WASHC5: variants seen among roughly 807,000 people sequenced by gnomAD.
WASHC5 encodes the protein WASH complex subunit strumpellin.
In WASHC5, 101 loss-of-function variants were observed where a neutral mutation model predicts 150.4. That is an observed-to-expected ratio of 0.67 (90% CI 0.57 to 0.79). The LOEUF (loss-of-function observed/expected upper bound fraction) is 0.79, where lower values mean the gene tolerates loss of function less well. Among genes scored for constraint, WASHC5 ranks in the 30% least tolerant of loss-of-function variants. The pLI is 0.00. For missense variants in WASHC5, 1,195 were observed against 1,396.3 expected (o/e 0.86, Z 2.30); for synonymous variants, 467 against 491.2 (o/e 0.95, Z 0.65).
intron 17 of WASHC5, among the ~76,000 whole-genome samples, chr8:125,052,310 C>T (rs1272620744): frequency 6.6e-6 from 1 of 152,192 alleles, no homozygotes. Flanking sequence ...TCTAATCCTT[C>T]CCGCATTCTC....
chr8:125,080,885 T>A (rs1318842149), intron 5 of WASHC5, among the ~76,000 whole-genome samples: 1 of 152,220 alleles, frequency 6.6e-6, no homozygotes, highest in Non-Finnish European at 1.5e-5. Flanking sequence ...TCAACCTGAC[T>A]CTGAATGACA....
At position 125,083,130 on chromosome 8, in the gene WASHC5, A is replaced by G. The variant is rs748290335; in HGVS notation, c.315T>C (p.Tyr105=). ...ATCAATACCTGTTTAAGTCTACAAT[A>G]TATTTATGTACACTTTGAAATGCTA... ...FYLAFQSVHK[Y]IVDLNRYLDD... Residue 105 remains tyrosine (Y), a synonymous_variant, in exon 3 of 29, where the codon TAT becomes TAC. Transcript: ENST00000318410. 10 of 1,547,850 alleles carry G rather than the reference A, an allele frequency of 6.5e-6. No homozygotes were observed. The highest frequency in any genetic ancestry group is 8.9e-6 in the Non-Finnish European group (10 of 1,120,680).
intron 8 of WASHC5, 113 bp from the exon 9 acceptor site, chr8:125,073,437 A>T (rs576153860): frequency 2.2e-6 from 2 of 910,794 alleles, no homozygotes; most frequent in East Asian, 5.2e-5. Context: ...GATGAATGAC[A>T]TATGGATTAC....
At chr8:125,085,478 G>C (rs1350775683) in intron 1 of WASHC5, among the ~76,000 whole-genome samples, 1 of 152,180 alleles carries the variant, frequency 6.6e-6, no homozygotes, top group Non-Finnish European at 1.5e-5. Flanking sequence ...CTGTCAAAGA[G>C]AGAACAGAGA....
rs752504835 is a variant in WASHC5 at position 125,076,416 on chromosome 8, G to T, written c.796C>A (p.Pro266Thr). ...AMLYVILYFE[P>T]SILHTHQAKM... is the part of the protein sequence containing the mutation. ...GCTTGATGGGTGTGAAGGATGGAAG[G>T]CTCAAAGTAGAGAATCACGTACAGC... The change falls in exon 7 of 29, where the codon CCT (proline) becomes ACT (threonine). Residue 266 changes from proline to threonine, a missense_variant. This residue lies in a region of WASHC5 where 997 missense variants were observed against 1,168.1 expected (regional missense o/e 0.85). Transcript: ENST00000318410. 2 of 1,613,882 alleles carry T rather than the reference G, an allele frequency of 1.2e-6. No homozygotes were observed. Among genetic ancestry groups the T allele is most frequent in the Admixed American group, 1.7e-5 (1 of 59,990 alleles).
chr8:125,026,317 A>T (rs1430651107), intron 28 of WASHC5, among the ~76,000 whole-genome samples: 2 of 152,030 alleles, frequency 1.3e-5, no homozygotes, highest in Admixed American at 6.6e-5. Context: ...GAACTTGAAG[A>T]TTTGAAGAGC....
chr8:125,065,618 CCT>C (rs145932521), intron 10 of WASHC5, among the ~76,000 whole-genome samples: 3,806 of 148,946 alleles, frequency 0.026, 168 homozygotes, highest in African/African-American at 0.092. Flanking sequence ...TTCTTTCATT[CCT>C]TTTTTTTTTT....
chr8:125,048,136 G>A (rs1391307257), intron 19 of WASHC5, among the ~76,000 whole-genome samples: 1 of 152,260 alleles, frequency 6.6e-6, no homozygotes, highest in East Asian at 1.9e-4. Context: ...AACGAGAAGC[G>A]AGAACTAAGA....
chr8:125,025,417 T>G lies in WASHC5; in HGVS notation c.3424-744A>C, dbSNP rs76748303. The stretch of plus-strand genomic sequence containing the variant: ...TGAGGCTTAAAACCTAGGCTGGGCG[T>G]GGTGGCTCACGCCTGTAATCCTGGC... On this transcript the variant is annotated intron_variant, in intron 28 of 28. Coordinates refer to ENST00000318410, the MANE Select transcript of WASHC5 (RefSeq NM_014846.4). Among the ~76,000 whole-genome samples the G allele has an allele frequency of 7.7e-4, 117 of 152,204 alleles. 2 individuals carry two copies. In the East Asian group the frequency reaches 0.021, roughly 27 times the overall value.
At chr8:125,033,252 T>C (rs1006873612) in intron 26 of WASHC5, among the ~76,000 whole-genome samples, 13 of 152,174 alleles carry the variant, frequency 8.5e-5, no homozygotes, top group African/African-American at 2.7e-4. Flanking sequence ...TAAGACACTA[T>C]GGCATAAGAA....
intron 14 of WASHC5, 103 bp from the exon 15 acceptor site, chr8:125,057,769 C>T (rs1816457086): frequency 1.4e-6 from 1 of 713,996 alleles, no homozygotes; most frequent in Non-Finnish European, 2.4e-6. Flanking sequence ...GGGTTTTACC[C>T]AACAGAGGGC....
rs1491241020 is a variant in WASHC5, at chr8:125,052,639, CAT to C, written c.2098-1976_2098-1975del. Among the ~76,000 whole-genome samples the C allele has an allele frequency of 5.0e-4, 74 of 147,046 alleles. 1 individual carries two copies. The South Asian group carries it at 0.011, about 22-fold the overall frequency. On this transcript the variant is annotated intron_variant, in intron 17 of 28. Coordinates refer to ENST00000318410, the MANE Select transcript of WASHC5 (RefSeq NM_014846.4). ...ACACACACACACACACACACACACA[CAT>C]ACATACATGTTTTTCTGCAATTTGC...
chr8:125,060,744 T>G (rs1816570632), intron 12 of WASHC5, among the ~76,000 whole-genome samples: 1 of 152,180 alleles, frequency 6.6e-6, no homozygotes, highest in African/African-American at 2.4e-5. Flanking sequence ...CACACTTTTT[T>G]ACAACCCTAA....
intron 23 of WASHC5, chr8:125,040,875 G>A (rs1815864062): frequency 6.6e-6 from 1 of 152,112 alleles, no homozygotes; most frequent in Admixed American, 6.5e-5. Context: ...GACCCCTTTG[G>A]GAATCTGGTG....
chr8:125,069,459 G>A (rs1465691191), intron 9 of WASHC5, among the ~76,000 whole-genome samples: 1 of 152,212 alleles, frequency 6.6e-6, no homozygotes, highest in African/African-American at 2.4e-5. Flanking sequence ...GTATATGGTA[G>A]TTACACTAGT....
At chr8:125,082,310 G>T in intron 4 of WASHC5, 73 bp downstream of exon 4, 1 of 856,772 alleles carries the variant, frequency 1.2e-6, no homozygotes, top group South Asian at 1.4e-5. Context: ...ATATATTTGT[G>T]ACTTAAAAGA....
At chr8:125,036,454 T>C (rs1268442270) in intron 26 of WASHC5, among the ~76,000 whole-genome samples, 1 of 152,206 alleles carries the variant, frequency 6.6e-6, no homozygotes, top group Non-Finnish European at 1.5e-5. Context: ...GTGGATCGCT[T>C]GAGCCTAGGA....
rs189062243 is a variant in WASHC5, at chr8:125,045,281, T to C, written c.2505-583A>G. Among the ~76,000 whole-genome samples the C allele has an allele frequency of 2.8e-3, 423 of 152,352 alleles. 2 individuals carry two copies. The highest frequency in any genetic ancestry group is 0.01 in the Middle Eastern group (3 of 294). ...GACAGTGACAACAACCAACCATATTTACTGGGCACTTATTGTGCACCAGGT... is the reference window on the plus strand; with the variant it reads ...GACAGTGACAACAACCAACCATATTCACTGGGCACTTATTGTGCACCAGGT... On this transcript the variant is annotated intron_variant, in intron 20 of 28. Transcript: ENST00000318410.
At chr8:125,055,720 G>C in intron 16 of WASHC5, 49 bp from the exon 17 acceptor site, 1 of 1,099,562 alleles carries the variant, frequency 9.1e-7, no homozygotes, top group Non-Finnish European at 1.4e-6. Context: ...AATAGTCCTG[G>C]AATGAACAAA....
Sources: gnomAD v4.1 joint callset for allele counts (sites outside exome capture counted in the v4.1 genomes callset) on GRCh38, gnomAD v4.1.1 for gene constraint, gnomAD v4.1.1 regional missense constraint, MANE v1.5 for transcripts, NCBI Gene and HGNC (gene_info 2026-07-23, HGNC 2026-07-21) for gene names.